The following RANBP17 variants were observed in gnomAD, a reference collection of about 807,000 sequenced individuals.
RANBP17 encodes RAN binding protein 17, also known as ran-binding protein 17.
A neutral mutation model predicts 141.2 loss-of-function variants in RANBP17; 158 were observed. The observed-to-expected ratio is 1.12, with a 90% confidence interval of 0.98 to 1.28. RANBP17 has a LOEUF of 1.28. RANBP17 is among the 50% of genes most tolerant of loss of function. The probability of loss-of-function intolerance (pLI) is 0.00; values close to 1 mark genes in which losing one functional copy is unlikely to be tolerated. For synonymous variants in RANBP17, 430 were observed against 450.0 expected (o/e 0.96, Z 0.56); for missense variants, 1,438 against 1,290.7 (o/e 1.11, Z -1.75).
chr5:171,235,559 G>A (rs954632044), intron 22 of RANBP17, among the ~76,000 whole-genome samples: 8 of 152,014 alleles, frequency 5.3e-5, no homozygotes, highest in Admixed American at 5.2e-4. Context: ...GGTATAAATG[G>A]TAGGGAATAT....
At chr5:171,138,879 T>C (rs1012169890) in intron 14 of RANBP17, among the ~76,000 whole-genome samples, 2 of 152,126 alleles carry the variant, frequency 1.3e-5, no homozygotes, top group Non-Finnish European at 2.9e-5. Context: ...AATTCAAGAC[T>C]ATCCCGGACA....
intron 3 of RANBP17, among the ~76,000 whole-genome samples, chr5:170,884,975 A>G (rs1168404433): frequency 6.6e-6 from 1 of 152,016 alleles, no homozygotes; most frequent in East Asian, 1.9e-4. Context: ...CCCTTGTGTA[A>G]AACTTAGCAA....
intron 19 of RANBP17, among the ~76,000 whole-genome samples, chr5:171,204,942 A>T (rs1762487132): frequency 6.6e-6 from 1 of 152,196 alleles, no homozygotes; most frequent in African/African-American, 2.4e-5. Context: ...TTCAAATTCG[A>T]GTCTTATGAC....
chr5:171,279,175 A>AGTTTGAAAT (rs1362269569), intron 25 of RANBP17, among the ~76,000 whole-genome samples: 1 of 152,168 alleles, frequency 6.6e-6, no homozygotes, highest in Non-Finnish European at 1.5e-5. Flanking sequence ...GTGTGGTGTG[A>AGTTTGAAAT]GTTTGAAATT....
intron 20 of RANBP17, chr5:171,205,835 T>G: frequency 1.6e-6 from 1 of 634,172 alleles, no homozygotes; most frequent in Non-Finnish European, 2.9e-6. Flanking sequence ...CCGTTAAATA[T>G]TGATAACTTA....
chr5:171,036,806 A>G (rs1277394150), intron 14 of RANBP17, among the ~76,000 whole-genome samples: 2 of 152,190 alleles, frequency 1.3e-5, no homozygotes, highest in Non-Finnish European at 2.9e-5. Flanking sequence ...TCCATGGTGT[A>G]TATGTACTAT....
chr5:170,998,101 A>C (rs943268535), intron 14 of RANBP17, among the ~76,000 whole-genome samples: 7 of 152,026 alleles, frequency 4.6e-5, no homozygotes, highest in South Asian at 2.1e-4. Flanking sequence ...GAAAAAAAAA[A>C]AAAACCCTTT....
chr5:170,903,688 A>G (rs2127407912), intron 5 of RANBP17: 1 of 303,220 alleles, frequency 3.3e-6, no homozygotes, highest in Admixed American at 3.8e-5. Context: ...TGTGTTGCCC[A>G]TTGACAGTCT....
intron 19 of RANBP17, among the ~76,000 whole-genome samples, chr5:171,201,483 G>A (rs1048572094): frequency 6.6e-6 from 1 of 152,244 alleles, no homozygotes; most frequent in Middle Eastern, 3.2e-3. Flanking sequence ...AGTGCACTCC[G>A]TGCTTCCGTC....
chr5:171,035,740 T>C (rs1168325111), intron 14 of RANBP17, among the ~76,000 whole-genome samples: 13 of 120,030 alleles, frequency 1.1e-4, no homozygotes, highest in Admixed American at 2.4e-4. Flanking sequence ...TTTTTTTGTT[T>C]TTTTTTTTTT....
intron 3 of RANBP17, among the ~76,000 whole-genome samples, chr5:170,890,042 T>G (rs1769469434): frequency 6.6e-6 from 1 of 152,186 alleles, no homozygotes. Context: ...TACCTTTGTT[T>G]GGGCAATCTG....
intron 1 of RANBP17, 47 bp from the exon 2 acceptor site, chr5:170,878,050 C>T: frequency 4.4e-6 from 6 of 1,377,586 alleles, no homozygotes; most frequent in South Asian, 3.0e-5. Context: ...AAATATTTAC[C>T]TCATTTTTTT....
intron 14 of RANBP17, among the ~76,000 whole-genome samples, chr5:171,090,515 T>A (rs1429651593): frequency 6.6e-6 from 1 of 152,176 alleles, no homozygotes; most frequent in Non-Finnish European, 1.5e-5. Flanking sequence ...AATATCCCAT[T>A]TTCTGAGAAG....
rs552893105 is a variant in RANBP17, at chr5:171,083,338, A to G, written c.1711-86792A>G. 1.7e-3 allele frequency among the ~76,000 whole-genome samples: 259 copies of G among 152,280 alleles called. 1 individual carries two copies. Among genetic ancestry groups the G allele is most frequent in the African/African-American group, 6.0e-3 (249 of 41,578 alleles). On this transcript the variant is annotated intron_variant, in intron 14 of 27. Coordinates refer to ENST00000523189, the MANE Select transcript of RANBP17 (RefSeq NM_022897.5). ...AAAAAGCTAGCCCACTCCTTCCACC[A>G]TGTAAGGAGAGAATGAAAAATTGGT...
Position 171,163,773 on chromosome 5 carries a change from A to G in RANBP17, c.1711-6357A>G, listed in dbSNP as rs376373941. Among the ~76,000 whole-genome samples, 195 of 152,270 alleles carry G rather than the reference A, an allele frequency of 1.3e-3. 9 individuals are homozygous for G. In the South Asian group the frequency reaches 0.039, roughly 30 times the overall value. On this transcript the variant is annotated intron_variant, in intron 14 of 27. Coordinates refer to ENST00000523189, the MANE Select transcript of RANBP17 (RefSeq NM_022897.5). ...TATTTGGGGGATCTTTTGTGGTATCACTTTTGTATTACCTGATATGTTTTT... is the reference window on the plus strand; with the variant it reads ...TATTTGGGGGATCTTTTGTGGTATCGCTTTTGTATTACCTGATATGTTTTT...
At chr5:171,211,481 C>G (rs754648122) in intron 20 of RANBP17, among the ~76,000 whole-genome samples, 1 of 152,096 alleles carries the variant, frequency 6.6e-6, no homozygotes, top group African/African-American at 2.4e-5. Flanking sequence ...AGGCTGGTCT[C>G]GAACCCTTGG....
chr5:171,210,370 A>T (rs1272939703), intron 20 of RANBP17, among the ~76,000 whole-genome samples: 1 of 151,946 alleles, frequency 6.6e-6, no homozygotes, highest in Non-Finnish European at 1.5e-5. Flanking sequence ...CACCACTCTC[A>T]TTCCACACAG....
At chr5:171,147,613 A>G (rs1387674861) in intron 14 of RANBP17, among the ~76,000 whole-genome samples, 1 of 151,524 alleles carries the variant, frequency 6.6e-6, no homozygotes, top group Non-Finnish European at 1.5e-5. Flanking sequence ...ATGGGGTTTC[A>G]CCATTTTGGC....
intron 16 of RANBP17, among the ~76,000 whole-genome samples, chr5:171,172,830 A>G (rs571640308): frequency 8.6e-5 from 13 of 151,870 alleles, no homozygotes; most frequent in African/African-American, 3.1e-4. Flanking sequence ...ATCTTTTTCT[A>G]TCCTATTAAG....
Sources: gnomAD v4.1 joint callset for allele counts (sites outside exome capture counted in the v4.1 genomes callset) on GRCh38, gnomAD v4.1.1 for gene constraint, MANE v1.5 for transcripts, NCBI Gene and HGNC (gene_info 2026-07-23, HGNC 2026-07-21) for gene names.